KHDRBS2: variants seen among roughly 807,000 people sequenced by gnomAD.
KHDRBS2 encodes the protein KH domain-containing, RNA-binding, signal transduction-associated protein 2.
Under a neutral mutation model 44.3 loss-of-function variants are expected in KHDRBS2, and 26 were observed. The observed-to-expected ratio is 0.59, with a 90% confidence interval of 0.43 to 0.81. The LOEUF is 0.81. Among genes scored for constraint, KHDRBS2 ranks in the 40% least tolerant of loss-of-function variants. The pLI is 0.00. For missense variants in KHDRBS2, 476 were observed against 433.1 expected (o/e 1.10, Z -0.88); for synonymous variants, 194 against 151.1 (o/e 1.28, Z -2.08).
the KHDRBS2 span, among the ~76,000 whole-genome samples, chr6:61,667,231 C>G: frequency 2.0e-5 from 3 of 148,224 alleles, no homozygotes; most frequent in African/African-American, 7.4e-5. Context: ...AGAATAACAA[C>G]TATATTCTCT....
intron 3 of KHDRBS2, among the ~76,000 whole-genome samples, chr6:62,040,074 T>G (rs1316035891): frequency 2.6e-5 from 4 of 152,080 alleles, no homozygotes; most frequent in African/African-American, 9.7e-5. Flanking sequence ...CAAGAAGAAA[T>G]GTTTGAATTG....
intron 1 of KHDRBS2, among the ~76,000 whole-genome samples, chr6:62,248,509 C>A (rs1347818400): frequency 6.6e-6 from 1 of 151,950 alleles, no homozygotes; most frequent in Non-Finnish European, 1.5e-5. Flanking sequence ...CAGGTACGCA[C>A]CACCACGTCC....
chr6:61,823,721 A>G (rs1468708496), intron 6 of KHDRBS2, among the ~76,000 whole-genome samples: 3 of 152,122 alleles, frequency 2.0e-5, no homozygotes, highest in Non-Finnish European at 2.9e-5. Flanking sequence ...CATACATTTT[A>G]TCTTCTGAGT....
At chr6:61,653,413 A>C in the KHDRBS2 span, among the ~76,000 whole-genome samples, 1 of 152,096 alleles carries the variant, frequency 6.6e-6, no homozygotes, top group Non-Finnish European at 1.5e-5. Flanking sequence ...TTTTAAAATA[A>C]AAACCTTCTA....
chr6:61,608,341 T>C, the KHDRBS2 span, among the ~76,000 whole-genome samples: 2 of 151,546 alleles, frequency 1.3e-5, no homozygotes, highest in Non-Finnish European at 2.9e-5. Context: ...TATGTGTGTG[T>C]GTGTGTGTGT....
intron 2 of KHDRBS2, among the ~76,000 whole-genome samples, chr6:62,149,198 CCTTAA>C (rs1281326765): frequency 1.3e-5 from 2 of 152,008 alleles, no homozygotes; most frequent in African/African-American, 4.8e-5. Flanking sequence ...AGACCTCCTC[CCTTAA>C]AAAATACCCA....
At chr6:61,746,750 T>C (rs1171721866) in intron 6 of KHDRBS2, among the ~76,000 whole-genome samples, 1 of 152,088 alleles carries the variant, frequency 6.6e-6, no homozygotes. Flanking sequence ...AATACTTAAA[T>C]GTAAAACCCC....
At chr6:61,596,486 C>G in the KHDRBS2 span, among the ~76,000 whole-genome samples, 1 of 152,124 alleles carries the variant, frequency 6.6e-6, no homozygotes, top group Non-Finnish European at 1.5e-5. Context: ...GCTACTCAGA[C>G]AGAAGCCGAT....
intron 2 of KHDRBS2, among the ~76,000 whole-genome samples, chr6:62,141,227 AAGAG>A (rs1164547507): frequency 1.3e-5 from 2 of 152,334 alleles, no homozygotes; most frequent in East Asian, 1.9e-4. Context: ...TAAAATGAGA[AAGAG>A]AGAAGATATT....
intron 2 of KHDRBS2, among the ~76,000 whole-genome samples, chr6:62,145,354 A>T (rs1284605130): frequency 6.6e-6 from 1 of 151,190 alleles, no homozygotes; most frequent in East Asian, 1.9e-4. Context: ...ATTTTACTTC[A>T]TTATATTCAA....
the KHDRBS2 span, among the ~76,000 whole-genome samples, chr6:61,569,119 C>T: frequency 6.6e-6 from 1 of 152,042 alleles, no homozygotes; most frequent in African/African-American, 2.4e-5. Context: ...GGTGAGGCCT[C>T]TCGCTACTGG....
intron 4 of KHDRBS2, among the ~76,000 whole-genome samples, chr6:61,905,772 T>C (rs1189742152): frequency 6.6e-6 from 1 of 151,884 alleles, no homozygotes; most frequent in Non-Finnish European, 1.5e-5. Flanking sequence ...TTTTCCTGAT[T>C]AGACAATCAA....
chr6:62,159,788 A>G (rs1817243730), intron 2 of KHDRBS2, among the ~76,000 whole-genome samples: 1 of 152,232 alleles, frequency 6.6e-6, no homozygotes, highest in Non-Finnish European at 1.5e-5. Flanking sequence ...AAATGCTATT[A>G]AGAAAATCAT....
intron 2 of KHDRBS2, among the ~76,000 whole-genome samples, chr6:62,058,466 C>T (rs1396013258): frequency 6.6e-6 from 1 of 151,972 alleles, no homozygotes; most frequent in East Asian, 1.9e-4. Context: ...TGTGCTTTGG[C>T]AACTCAACAT....
At chr6:62,245,195 T>C (rs1460855563) in intron 1 of KHDRBS2, among the ~76,000 whole-genome samples, 1 of 152,176 alleles carries the variant, frequency 6.6e-6, no homozygotes, top group Non-Finnish European at 1.5e-5. Context: ...ATTTGCTGCA[T>C]TCTCTTTGTT....
intron 6 of KHDRBS2, among the ~76,000 whole-genome samples, chr6:61,749,138 G>A (rs1321643504): frequency 6.7e-6 from 1 of 148,598 alleles, no homozygotes; most frequent in Non-Finnish European, 1.5e-5. Flanking sequence ...TCAGCCTCCC[G>A]AGTAGCTGGG....
rs1285730075 is a variant in KHDRBS2 at position 62,059,211 on chromosome 6, T to G, written c.220-11217A>C. Among the ~76,000 whole-genome samples the G allele has an allele frequency of 1.8e-3, 205 of 115,648 alleles. 1 individual carries two copies. The highest frequency in any genetic ancestry group is 5.8e-3 in the African/African-American group (160 of 27,414). 75.9% of individuals were successfully genotyped at this position (115,648 alleles called of 152,430 possible). A position where few individuals can be genotyped will look rare whatever the true frequency, so the allele number is the denominator to read the frequency against. ...AAAAGTTAGGAAGTTTTTTTTTTTT[T>G]TTTTTTTTTTTTTTTTTTTTTTTGT... is the stretch of plus-strand genomic sequence containing the variant. On this transcript the variant is annotated intron_variant, in intron 2 of 8. Coordinates refer to ENST00000281156, the MANE Select transcript of KHDRBS2 (RefSeq NM_152688.4).
chr6:62,149,791 G>A (rs1342063869), intron 2 of KHDRBS2, among the ~76,000 whole-genome samples: 1 of 152,104 alleles, frequency 6.6e-6, no homozygotes, highest in Non-Finnish European at 1.5e-5. Context: ...TTAGTTAAAG[G>A]TATACCAGAA....
At chr6:61,872,518 A>G (rs1284337563) in intron 6 of KHDRBS2, among the ~76,000 whole-genome samples, 2 of 152,172 alleles carry the variant, frequency 1.3e-5, no homozygotes, top group Non-Finnish European at 2.9e-5. Context: ...GTTGTAAGGT[A>G]TTAAAGTAAC....
Sources: allele counts gnomAD v4.1 joint callset (sites outside exome capture counted in the v4.1 genomes callset), GRCh38; gene constraint gnomAD v4.1.1; transcripts MANE v1.5; gene names NCBI Gene and HGNC (gene_info 2026-07-23, HGNC 2026-07-21).